The following ACSBG2 variants were observed in gnomAD, a reference collection of about 807,000 sequenced individuals.
ACSBG2 encodes acyl-CoA synthetase bubblegum family member 2.
In ACSBG2, 62 loss-of-function variants were observed where a neutral mutation model predicts 74.7. The observed-to-expected ratio is 0.83, with a 90% CI of 0.68 to 1.03. The LOEUF is 1.03. ACSBG2 is among the 50% of genes least tolerant of loss of function. The pLI, the probability that ACSBG2 is intolerant of heterozygous loss-of-function variation, is 0.00. For synonymous variants in ACSBG2, 309 were observed against 294.1 expected, an observed-to-expected ratio of 1.05 and a Z score of -0.52; for missense variants, 730 against 817.6, an observed-to-expected ratio of 0.89 and a Z score of 1.31.
chr19:6,159,143 A>C (rs1176673192), intron 5 of ACSBG2, among the ~76,000 whole-genome samples: 1 of 152,138 alleles, frequency 6.6e-6, no homozygotes, highest in Non-Finnish European at 1.5e-5. Context: ...TTTTTTGTCA[A>C]GACTGGATTT....
rs573323389 is a variant in ACSBG2 at position 6,189,408 on chromosome 19, C to T, written c.1928-1176C>T. Among the ~76,000 whole-genome samples the T allele has an allele frequency of 7.7e-4, 118 of 152,288 alleles. 1 individual carries two copies. The highest frequency in any genetic ancestry group is 2.7e-3 in the African/African-American group (113 of 41,558). On this transcript the variant is annotated intron_variant, in intron 13 of 14. Coordinates refer to ENST00000588485, the MANE Select transcript of ACSBG2 (RefSeq NM_030924.5). ...CTTTCATTTGCGAGTTTGCTGTCAG[C>T]GCTCGGCTGTAATCTGACGGTGTGG...
chr19:6,161,673 TG>T (rs1169450401), intron 6 of ACSBG2: 4 of 179,510 alleles, frequency 2.2e-5, no homozygotes, highest in African/African-American at 9.6e-5. Context: ...ATGTAGTGGG[TG>T]GGGCTTTGCA....
At chr19:6,154,416 G>GAA (rs2089344943) in intron 4 of ACSBG2, among the ~76,000 whole-genome samples, 1 of 87,788 alleles carries the variant, frequency 1.1e-5, no homozygotes, top group East Asian at 3.8e-4. Context: ...GAGAGAGAGA[G>GAA]AGAGAGAGAG....
intron 2 of ACSBG2, among the ~76,000 whole-genome samples, chr19:6,143,588 C>A (rs2088925198): frequency 6.9e-6 from 1 of 145,576 alleles, no homozygotes; most frequent in Non-Finnish European, 1.5e-5. Flanking sequence ...CCACTACAGT[C>A]ATTAAAATAT....
At chr19:6,136,181 T>C (rs1415543259) in intron 1 of ACSBG2, among the ~76,000 whole-genome samples, 2 of 146,456 alleles carry the variant, frequency 1.4e-5, no homozygotes, top group Non-Finnish European at 3.0e-5. Flanking sequence ...AAGCTTCGCC[T>C]CCCAGGTTCA....
intron 3 of ACSBG2, among the ~76,000 whole-genome samples, chr19:6,151,099 G>A (rs2089223858): frequency 6.9e-6 from 1 of 145,566 alleles, no homozygotes; most frequent in Non-Finnish European, 1.5e-5. Flanking sequence ...TGGCAACAGA[G>A]TGAGACTCTG....
At chr19:6,153,282 A>C (rs2089298272) in intron 4 of ACSBG2, among the ~76,000 whole-genome samples, 2 of 152,018 alleles carry the variant, frequency 1.3e-5, no homozygotes, top group African/African-American at 4.8e-5. Context: ...TTAAAATACC[A>C]ACCATTAATA....
chr19:6,190,851 A>ACACACT (rs763317524), intron 14 of ACSBG2, 159 bp downstream of exon 14: 12 of 518,110 alleles, frequency 2.3e-5, no homozygotes, highest in South Asian at 2.1e-4. Flanking sequence ...ACACACACAC[A>ACACACT]CTCTTAGTTG....
intron 8 of ACSBG2, 85 bp downstream of exon 8, chr19:6,177,481 T>C (rs2090119211): frequency 7.0e-7 from 1 of 1,418,548 alleles, no homozygotes; most frequent in East Asian, 2.4e-5. Flanking sequence ...ATTCGACAGA[T>C]TTTTTGGGTG....
chr19:6,168,572 AAATG>A lies in ACSBG2; in HGVS notation c.738+2567_738+2570del, dbSNP rs56403066. 4.5e-3 allele frequency among the ~76,000 whole-genome samples: 679 copies of A among 152,242 alleles called. 2 individuals carry two copies. The highest frequency in any genetic ancestry group is 6.5e-3 in the Non-Finnish European group (445 of 68,022). ...CAGGAGGACTCAATCCACTTTTGGGAAATGAATGAATGAGGGAAATCTGATTAAA... is the reference window on the plus strand; with the variant it reads ...CAGGAGGACTCAATCCACTTTTGGGAAATGAATGAGGGAAATCTGATTAAA... On this transcript the variant is annotated intron_variant, in intron 7 of 14. Transcript: ENST00000588485.
rs370237601 is a variant in ACSBG2, at chr19:6,138,536, GGGGA to G, written c.-32+2642_-32+2645del. Among the ~76,000 whole-genome samples the G allele has an allele frequency of 6.4e-3, 849 of 133,152 alleles. 8 individuals are homozygous for G. The highest frequency in any genetic ancestry group is 8.9e-3 in the Non-Finnish European group (558 of 62,524). 87.4% of individuals were successfully genotyped at this position (133,152 alleles called of 152,430 possible). ...AAGAGGAAGGAGGAAAAGGAAGGAA[GGGGA>G]GGGAGGGAGGGAGGAAGGAAGGAAA... On this transcript the variant is annotated intron_variant, in intron 1 of 14. Transcript: ENST00000588485.
At chr19:6,162,768 C>T (rs1828308127) in intron 6 of ACSBG2, among the ~76,000 whole-genome samples, 3 of 151,936 alleles carry the variant, frequency 2.0e-5, no homozygotes, top group African/African-American at 2.4e-5. Flanking sequence ...GGATGTTGAG[C>T]TGCATTGCTG....
intron 1 of ACSBG2, among the ~76,000 whole-genome samples, chr19:6,137,034 A>G (rs1424324486): frequency 6.6e-6 from 1 of 152,138 alleles, no homozygotes; most frequent in Admixed American, 6.6e-5. Flanking sequence ...GGTTGTTTAC[A>G]TTTGTCTTTT....
Position 6,174,064 on chromosome 19 carries a change from G to A in ACSBG2, c.739-3165G>A, listed in dbSNP as rs972717821. On this transcript the variant is annotated intron_variant, in intron 7 of 14. Coordinates refer to ENST00000588485, the MANE Select transcript of ACSBG2 (RefSeq NM_030924.5). The surrounding 1 kb of genome is among the most constrained non-coding windows in gnomAD (Gnocchi z 4.2). The stretch of plus-strand genomic sequence containing the variant: ...CGATTCCCCCACCTCAGCCTCCTGA[G>A]TAGCAGGGATTACAGACGTGTGCCA... Among the ~76,000 whole-genome samples, 5 of 151,904 alleles carry A rather than the reference G, an allele frequency of 3.3e-5. No homozygotes were observed. The highest frequency in any genetic ancestry group is 1.2e-4 in the African/African-American group (5 of 41,340).
chr19:6,183,206 T>C lies in ACSBG2; in HGVS notation c.1256T>C (p.Leu419Ser). ...AGCTTGGACATACCTATAGGCGAGT[T>C]GTATGGGTTGAGTGAGAGCTCGGGA... Reference protein sequence around the residue: ...FLSLDIPIGELYGLSESSGPH... With the variant: ...FLSLDIPIGESYGLSESSGPH... The change falls in exon 10 of 15, where the codon TTG becomes TCG. Residue 419 changes from leucine to serine, a missense_variant. By Grantham distance (145) the Leu-to-Ser change is moderately radical. Transcript: ENST00000588485. 1.2e-6 allele frequency: 2 copies of C among 1,614,154 alleles called. No homozygotes were observed. Among genetic ancestry groups the C allele is most frequent in the Non-Finnish European group, 1.7e-6 (2 of 1,180,030 alleles).
intron 1 of ACSBG2, among the ~76,000 whole-genome samples, chr19:6,139,225 C>G (rs1236698510): frequency 6.6e-6 from 1 of 151,956 alleles, no homozygotes; most frequent in Non-Finnish European, 1.5e-5. Flanking sequence ...GTAGTTGGAA[C>G]TACAGGTGTC....
chr19:6,150,092 A>G (rs2145046638), intron 3 of ACSBG2, among the ~76,000 whole-genome samples: 1 of 151,798 alleles, frequency 6.6e-6, no homozygotes, highest in Admixed American at 6.6e-5. Flanking sequence ...GAGCGAGACA[A>G]AAAATAATAA....
chr19:6,150,884 C>T (rs1034732254), intron 3 of ACSBG2, among the ~76,000 whole-genome samples: 5 of 151,754 alleles, frequency 3.3e-5, no homozygotes, highest in Non-Finnish European at 5.9e-5. Context: ...GAGGCTGAGG[C>T]GGGAGGATTG....
rs776959106 is a variant in ACSBG2 at position 6,182,622 on chromosome 19, T to C, written c.907-129T>C. The C allele has an allele frequency of 2.8e-4, 242 of 869,974 alleles. No individual in the cohort carries two copies. In the Middle Eastern group the frequency reaches 4.1e-3, roughly 15 times the overall value. 53.9% of individuals were successfully genotyped at this position (869,974 alleles called of 1,614,324 possible). A position where few individuals can be genotyped will look rare whatever the true frequency, so the allele number is the denominator to read the frequency against. ...CAGCTAATGGGTTGTCTCCTTTTGG[T>C]TGGGAGTCCTGCGTAATCTGATCAG... On this transcript the variant is annotated intron_variant, in intron 8 of 14. Coordinates refer to ENST00000588485, the MANE Select transcript of ACSBG2 (RefSeq NM_030924.5).
Sources: gnomAD v4.1 joint callset for allele counts (sites outside exome capture counted in the v4.1 genomes callset) on GRCh38, gnomAD v4.1.1 for gene constraint, Gnocchi (gnomAD v3.1) non-coding constraint, MANE v1.5 for transcripts, NCBI Gene and HGNC (gene_info 2026-07-23, HGNC 2026-07-21) for gene names.